MGAM: variants seen among roughly 807,000 people sequenced by gnomAD.
The protein encoded by MGAM is alpha-1,4-glucosidase.
In MGAM, 253 loss-of-function variants were observed where a neutral mutation model predicts 358.8. The ratio of observed to expected loss-of-function variants is 0.71; its 90% CI spans 0.64 to 0.78. The LOEUF (loss-of-function observed/expected upper bound fraction) is 0.78, where lower values mean the gene tolerates loss of function less well. Among genes scored for constraint, MGAM ranks in the 30% least tolerant of loss-of-function variants. The pLI, the probability that MGAM is intolerant of heterozygous loss-of-function variation, is 0.00. For synonymous variants in MGAM, 1,105 were observed against 1,227.1 expected (o/e 0.90, Z 2.08); for missense variants, 3,080 against 3,432.6 (o/e 0.90, Z 2.57).
At chr7:142,028,178 G>A (rs1807140409) in intron 10 of MGAM, among the ~76,000 whole-genome samples, 1 of 152,130 alleles carries the variant, frequency 6.6e-6, no homozygotes, top group Admixed American at 6.5e-5. Flanking sequence ...ACTCAAAAGT[G>A]TCATGGCAGG....
chr7:142,040,929 C>G, intron 21 of MGAM, 83 bp downstream of exon 21: 1 of 1,477,394 alleles, frequency 6.8e-7, no homozygotes, highest in Non-Finnish European at 9.1e-7. Context: ...CACTAACAGC[C>G]AGGTGGTCAG....
chr7:142,058,570 C>G (rs1299728275), intron 31 of MGAM, among the ~76,000 whole-genome samples: 1 of 152,236 alleles, frequency 6.6e-6, no homozygotes, highest in Non-Finnish European at 1.5e-5. Context: ...CTCCAGGGCT[C>G]TTTCTGCTCT....
intron 29 of MGAM, 69 bp downstream of exon 29, chr7:142,056,165 T>G (rs543990971): frequency 6.9e-7 from 1 of 1,447,108 alleles, no homozygotes; most frequent in Non-Finnish European, 9.4e-7. Flanking sequence ...TACAATGTGT[T>G]TAGCCTAACT....
rs1255513712 is a variant in MGAM, at chr7:142,059,556, A to G, written c.3904A>G (p.Ile1302Val). The G allele has an allele frequency of 6.8e-6, 11 of 1,612,978 alleles. No individual in the cohort carries two copies. In the East Asian group the frequency reaches 2.2e-4, roughly 33 times the overall value. ...CAAGTTTGCTGGGTTTCCAGCTCTG[A>G]TCAATCGCATGAAGGCTGATGGGAT... ...SPKFAGFPAL[I>V]NRMKADGMRV... Residue 1302 changes from isoleucine (I) to valine (V), a missense_variant, in exon 32 of 71, where the codon ATC becomes GTC. Coordinates refer to ENST00000475668, the MANE Select transcript of MGAM (RefSeq NM_001365693.1).
chr7:142,007,274 C>A (rs1039363727), intron 2 of MGAM, among the ~76,000 whole-genome samples: 5 of 152,126 alleles, frequency 3.3e-5, no homozygotes, highest in Middle Eastern at 3.4e-3. Flanking sequence ...TTTCTGAAGA[C>A]CCTCATCTAA....
intron 14 of MGAM, 27 bp from the exon 15 acceptor site, chr7:142,034,235 C>T: frequency 1.3e-6 from 2 of 1,495,044 alleles, no homozygotes; most frequent in Non-Finnish European, 9.2e-7. Context: ...CTTAGGCTCT[C>T]ACTGATTGAT....
chr7:142,005,537 A>G lies in MGAM; in HGVS notation c.7A>G (p.Arg3Gly), dbSNP rs1805081693. 1 of 1,543,932 alleles carries G rather than the reference A, an allele frequency of 6.5e-7. No homozygotes were observed. Among genetic ancestry groups the G allele is most frequent in the Non-Finnish European group, 8.7e-7 (1 of 1,147,558 alleles). ...TTTCTCTTACATTTTAGAGATGGCA[A>G]GAAAGAAGCTGAAAAAATTTACTAC... MARKKLKKFTTLE... is the reference protein window; with the variant it reads MAGKKLKKFTTLE... The change falls in exon 2 of 71, where the codon AGA (arginine) becomes GGA (glycine). Residue 3 changes from arginine (R) to glycine (G), a missense_variant. This residue lies in a region of MGAM where 1,816 missense variants were observed against 1,840.5 expected (regional missense o/e 0.99). Coordinates refer to ENST00000475668, the MANE Select transcript of MGAM (RefSeq NM_001365693.1).
chr7:142,035,232 C>A (rs1393128493), intron 16 of MGAM, among the ~76,000 whole-genome samples: 1 of 151,956 alleles, frequency 6.6e-6, no homozygotes, highest in Non-Finnish European at 1.5e-5. Context: ...TAGTTAAATC[C>A]AACATATTTA....
chr7:142,059,143 G>T (rs777522980), intron 31 of MGAM, among the ~76,000 whole-genome samples: 3 of 152,158 alleles, frequency 2.0e-5, no homozygotes, highest in Non-Finnish European at 4.4e-5. Flanking sequence ...GCAGCCTCTT[G>T]GGGTAGGTCA....
chr7:142,067,946 A>G (rs1297433470), intron 42 of MGAM, among the ~76,000 whole-genome samples: 4 of 36,946 alleles, frequency 1.1e-4, no homozygotes, highest in African/African-American at 3.0e-4. Context: ...ATATATATAT[A>G]TATATATATA....
chr7:142,015,985 A>G (rs1805931812), intron 3 of MGAM, among the ~76,000 whole-genome samples: 1 of 152,074 alleles, frequency 6.6e-6, no homozygotes, highest in Non-Finnish European at 1.5e-5. Context: ...AGGAAACACC[A>G]CTTGGTTATT....
At chr7:142,073,110 C>T (rs1336500624) in intron 44 of MGAM, among the ~76,000 whole-genome samples, 1 of 145,934 alleles carries the variant, frequency 6.9e-6, no homozygotes, top group East Asian at 2.0e-4. Flanking sequence ...TTTCTGGACT[C>T]CTAGAATATC....
upstream of MGAM, among the ~76,000 whole-genome samples, chr7:141,995,006 T>A (rs1483678468): frequency 1.3e-5 from 2 of 152,214 alleles, no homozygotes; most frequent in Non-Finnish European, 2.9e-5. Flanking sequence ...ACACTGGTTG[T>A]GTGACTGGGG....
rs929451175 is a variant in MGAM, at chr7:142,080,691, C to G, written c.5848-100C>G. ...ATCATAAACTTAAAGAAGACAGAAA[C>G]ATAGCATCTGAACTTTTGTCCAAAA... On this transcript the variant is annotated intron_variant, in intron 49 of 70. Transcript: ENST00000475668. 13 of 1,064,918 alleles carry G rather than the reference C, an allele frequency of 1.2e-5. No homozygotes were observed. The African/African-American group carries it at 1.5e-4, about 12-fold the overall frequency. The allele number at this position is 1,064,918 out of a possible 1,614,324, so 66.0% of individuals were successfully genotyped here.
intron 67 of MGAM, 30 bp downstream of exon 67, chr7:142,099,767 C>T: frequency 2.5e-6 from 4 of 1,610,488 alleles, no homozygotes; most frequent in Non-Finnish European, 3.4e-6. Context: ...TTTTCCTTTA[C>T]ATGTCAGTTA....
rs774503213 is a variant in MGAM at position 142,059,492 on chromosome 7, C to T, written c.3840C>T (p.Ile1280=). ...QIPYDVQYSD[I]DYMERQLDFT... Reference sequence around the variant, plus strand: ...CGCAGGATGTGCAGTACTCAGACATCGACTACATGGAGCGGCAGCTGGACT... The same window carrying T: ...CGCAGGATGTGCAGTACTCAGACATTGACTACATGGAGCGGCAGCTGGACT... The change falls in exon 32 of 71, where the codon ATC becomes ATT. Residue 1280 remains isoleucine (I), a synonymous_variant. Transcript: ENST00000475668. 3.9e-5 allele frequency: 63 copies of T among 1,611,258 alleles called. 1 individual carries two copies. The Admixed American group carries it at 6.9e-4, about 18-fold the overall frequency.
At chr7:142,012,593 G>C (rs1318514921) in intron 3 of MGAM, among the ~76,000 whole-genome samples, 1 of 152,130 alleles carries the variant, frequency 6.6e-6, no homozygotes, top group Non-Finnish European at 1.5e-5. Context: ...TTCTCCATTT[G>C]TCTACTGAAT....
Position 142,065,736 on chromosome 7 carries a change from T to C in MGAM, c.4675T>C (p.Phe1559Leu), listed in dbSNP as rs1381221752. 30 of 1,558,886 alleles carry C rather than the reference T, an allele frequency of 1.9e-5. 4 individuals carry two copies. The highest frequency in any genetic ancestry group is 2.6e-5 in the Non-Finnish European group (29 of 1,134,474). ...ISYTGADICG[F>L]FQDAEYEMCV... ...TCAGACGGGAGCAGATATCTGTGGG[T>C]TCTTTCAAGACGCTGAGTACGAGAT... The change falls in exon 40 of 71, where the codon TTC (phenylalanine) becomes CTC (leucine). Residue 1559 changes from phenylalanine to leucine, a missense_variant. Physicochemically the swap from Phe to Leu is conservative, Grantham distance 22 (BLOSUM62 0). Around this residue, in one of 5 missense-constraint regions of MGAM, gnomAD observed 134 missense variants for 198.4 expected, o/e 0.68. Coordinates refer to ENST00000475668, the MANE Select transcript of MGAM (RefSeq NM_001365693.1).
In MGAM at chr7:142,027,678, A is replaced by C; in HGVS notation, c.1164A>C (p.Gly388=). The C allele has an allele frequency of 6.2e-7, 1 of 1,613,660 alleles. No individual in the cohort carries two copies. The highest frequency in any genetic ancestry group is 8.5e-7 in the Non-Finnish European group (1 of 1,179,680). The change falls in exon 10 of 71, where the codon GGA becomes GGC. Residue 388 remains glycine (G), a synonymous_variant. Coordinates refer to ENST00000475668, the MANE Select transcript of MGAM (RefSeq NM_001365693.1). ...LGFHLSRYEY[G]TLDNMREVVE... is the part of the protein sequence containing the mutation. ...TTCACCTCAGTCGTTACGAATATGG[A>C]ACCTTAGACAACATGAGGGAAGTCG... is the stretch of plus-strand genomic sequence containing the variant.
Sources: allele counts gnomAD v4.1 joint callset (sites outside exome capture counted in the v4.1 genomes callset), GRCh38; gene constraint gnomAD v4.1.1; regional missense constraint gnomAD v4.1.1; transcripts MANE v1.5; gene names NCBI Gene and HGNC (gene_info 2026-07-23, HGNC 2026-07-21).